The following DNAH8 variants were observed in gnomAD, a reference collection of about 807,000 sequenced individuals.
DNAH8 encodes the protein axonemal beta dynein heavy chain 8.
DNAH8 carries 382 observed loss-of-function variants against 562.1 expected under a neutral mutation model. The observed-to-expected ratio is 0.68, with a 90% CI of 0.63 to 0.74. The LOEUF (loss-of-function observed/expected upper bound fraction) is 0.74, where lower values mean the gene tolerates loss of function less well. DNAH8 is among the 30% of genes least tolerant of loss of function. The pLI, the probability that DNAH8 is intolerant of heterozygous loss-of-function variation, is 0.00. For missense variants in DNAH8, 5,203 were observed against 5,620.4 expected (o/e 0.93, Z 2.37); for synonymous variants, 1,881 against 1,919.4 (o/e 0.98, Z 0.52).
intron 29 of DNAH8, among the ~76,000 whole-genome samples, chr6:38,827,139 TTTCTGTCATTGTGTC>T (rs907166536): frequency 2.0e-5 from 3 of 152,112 alleles, no homozygotes; most frequent in Non-Finnish European, 4.4e-5. Context: ...TCTACCCCCA[TTTCTGTCATTGTGTC>T]TTCTCTCACA....
At chr6:38,917,634 G>T (rs1401097218) in intron 69 of DNAH8, among the ~76,000 whole-genome samples, 1 of 152,176 alleles carries the variant, frequency 6.6e-6, no homozygotes, top group East Asian at 1.9e-4. Flanking sequence ...GCACAGCCTT[G>T]GTGTCAACCC....
At position 38,845,580 on chromosome 6, in the gene DNAH8, T is replaced by C. The variant is rs1411389193; in HGVS notation, c.4852T>C (p.Cys1618Arg). Residue 1618 changes from cysteine (C) to arginine (R), a missense_variant, in exon 36 of 93, where the codon TGC (cysteine) becomes CGC (arginine). Physicochemically the swap from Cys to Arg is radical, Grantham distance 180. Around this residue, in one of 6 missense-constraint regions of DNAH8, gnomAD observed 2,176 missense variants for 2,365.1 expected, o/e 0.92. Coordinates refer to ENST00000327475, the MANE Select transcript of DNAH8 (RefSeq NM_001206927.2). Reference protein sequence around the residue: ...LKHKDDIEDICISAIKEKDIE... With the variant: ...LKHKDDIEDIRISAIKEKDIE... Reference sequence around the variant, plus strand: ...CTTTGCTTTTCCTTCAAAGGATATTTGCATATCTGCCATTAAGGAGAAGGA... The same window carrying C: ...CTTTGCTTTTCCTTCAAAGGATATTCGCATATCTGCCATTAAGGAGAAGGA... The C allele has an allele frequency of 4.3e-6, 7 of 1,613,182 alleles. No individual in the cohort carries two copies. The Admixed American group carries it at 8.3e-5, about 19-fold the overall frequency.
chr6:38,874,607 A>G (rs1777847124), intron 52 of DNAH8, among the ~76,000 whole-genome samples: 1 of 151,626 alleles, frequency 6.6e-6, no homozygotes, highest in Admixed American at 6.6e-5. Context: ...GGACTCAAGC[A>G]GTCCTCCTGC....
intron 3 of DNAH8, among the ~76,000 whole-genome samples, chr6:38,726,740 G>C (rs1480682808): frequency 6.6e-6 from 1 of 152,108 alleles, no homozygotes; most frequent in Non-Finnish European, 1.5e-5. Context: ...TGATAGGTTG[G>C]ATCAAGGTTG....
intron 91 of DNAH8, among the ~76,000 whole-genome samples, chr6:39,016,576 C>A (rs1452919072): frequency 6.6e-6 from 1 of 151,756 alleles, no homozygotes; most frequent in Non-Finnish European, 1.5e-5. Context: ...GAAAAAAGCC[C>A]TACATATTTA....
intron 87 of DNAH8, among the ~76,000 whole-genome samples, chr6:38,989,173 A>C (rs1402856481): frequency 6.6e-6 from 1 of 152,190 alleles, no homozygotes; most frequent in Non-Finnish European, 1.5e-5. Flanking sequence ...AGAGGAAGGC[A>C]CCGTCCCTCT....
At chr6:38,910,305 C>T (rs563959994) in intron 65 of DNAH8, among the ~76,000 whole-genome samples, 42 of 152,294 alleles carry the variant, frequency 2.8e-4, no homozygotes, top group Admixed American at 1.2e-3. Context: ...TGCAAAAACA[C>T]AGCTTTTTTC....
chr6:38,881,607 A>G (rs1188007121), intron 53 of DNAH8, among the ~76,000 whole-genome samples: 1 of 145,996 alleles, frequency 6.8e-6, no homozygotes. Flanking sequence ...GCTGGAGTGC[A>G]ATGGCGCGAT....
chr6:38,786,008 G>C (rs969922840), intron 17 of DNAH8, among the ~76,000 whole-genome samples: 2 of 152,212 alleles, frequency 1.3e-5, no homozygotes, highest in African/African-American at 4.8e-5. Context: ...CATGTTAGTA[G>C]TGTTTGTTAA....
Position 38,775,742 on chromosome 6 carries a change from T to G in DNAH8, c.1765-12T>G. ...TCATTTAAAAAAGCAAAATAACATT[T>G]CTCTTTTTAAGATTACAGAAATGAT... On this transcript the variant is annotated splice_polypyrimidine_tract_variant and intron_variant, in intron 12 of 92. Coordinates refer to ENST00000327475, the MANE Select transcript of DNAH8 (RefSeq NM_001206927.2). 6.5e-7 allele frequency: 1 copy of G among 1,543,144 alleles called. No homozygotes were observed. The highest frequency in any genetic ancestry group is 8.9e-7 in the Non-Finnish European group (1 of 1,129,196).
At chr6:38,821,177 C>T (rs981113166) in intron 26 of DNAH8, among the ~76,000 whole-genome samples, 1 of 152,108 alleles carries the variant, frequency 6.6e-6, no homozygotes, top group Non-Finnish European at 1.5e-5. Flanking sequence ...GATTAATATA[C>T]AGATATCAAC....
Position 38,886,929 on chromosome 6 carries a change from C to A in DNAH8, c.8398C>A (p.Pro2800Thr). The change falls in exon 57 of 93, where the codon CCA becomes ACA. Residue 2800 changes from proline (P) to threonine (T), a missense_variant. By Grantham distance (38) the Pro-to-Thr change is conservative. Coordinates refer to ENST00000327475, the MANE Select transcript of DNAH8 (RefSeq NM_001206927.2). ...IHPGGGRNDI[P>T]QRLKRQFTVF... ...CCCTGGAGGTGGTCGAAATGATATTCCACAACGTTTAAAAAGACAATTTAC... is the reference window on the plus strand; with the variant it reads ...CCCTGGAGGTGGTCGAAATGATATTACACAACGTTTAAAAAGACAATTTAC... 2 of 1,613,986 alleles carry A rather than the reference C, an allele frequency of 1.2e-6. No individual in the cohort carries two copies. The highest frequency in any genetic ancestry group is 1.7e-6 in the Non-Finnish European group (2 of 1,179,922).
chr6:38,773,766 G>A (rs1026653892), intron 12 of DNAH8, among the ~76,000 whole-genome samples: 10 of 152,180 alleles, frequency 6.6e-5, no homozygotes, highest in African/African-American at 2.4e-4. Context: ...CTGCCCAGGT[G>A]GGCTTCCTCT....
At chr6:38,815,792 C>A in intron 26 of DNAH8, 135 bp downstream of exon 26, 1 of 840,450 alleles carries the variant, frequency 1.2e-6, no homozygotes, top group Non-Finnish European at 1.7e-6. Context: ...ACATAACGTG[C>A]AGGCATTTTT....
At chr6:38,795,004 C>G (rs545376858) in intron 21 of DNAH8, among the ~76,000 whole-genome samples, 7 of 152,276 alleles carry the variant, frequency 4.6e-5, no homozygotes, top group Non-Finnish European at 1.0e-4. Flanking sequence ...AGGAGCCAGA[C>G]AAGTTCACGC....
At chr6:38,929,726 A>C (rs1782409610) in intron 75 of DNAH8, 60 bp downstream of exon 75, 2 of 1,407,430 alleles carry the variant, frequency 1.4e-6, no homozygotes, top group Non-Finnish European at 1.9e-6. Flanking sequence ...GAAAAAAAGA[A>C]AAAAATTAAG....
chr6:38,907,358 A>G (rs1780559077), intron 63 of DNAH8, among the ~76,000 whole-genome samples: 1 of 152,208 alleles, frequency 6.6e-6, no homozygotes, highest in Non-Finnish European at 1.5e-5. Context: ...CTTCCTGCCT[A>G]GCTACAACTA....
chr6:38,791,451 G>T, intron 20 of DNAH8, 104 bp from the exon 21 acceptor site: 1 of 1,342,246 alleles, frequency 7.5e-7, no homozygotes, highest in Non-Finnish European at 1.0e-6. Flanking sequence ...CAAGTTTCTA[G>T]ACTTAGCCTT....
intron 87 of DNAH8, among the ~76,000 whole-genome samples, chr6:38,988,364 A>C (rs1478811013): frequency 2.0e-5 from 3 of 152,148 alleles, no homozygotes; most frequent in Admixed American, 2.0e-4. Context: ...AAGAAACTTC[A>C]TTTTGGTCTT....
Sources: gnomAD v4.1 joint callset for allele counts (sites outside exome capture counted in the v4.1 genomes callset) on GRCh38, gnomAD v4.1.1 for gene constraint, gnomAD v4.1.1 regional missense constraint, MANE v1.5 for transcripts, NCBI Gene and HGNC (gene_info 2026-07-23, HGNC 2026-07-21) for gene names.